Variants in MRPL42 observed in about 807,000 individuals in gnomAD.
The protein encoded by MRPL42 is large ribosomal subunit protein mL42.
In MRPL42, 17 loss-of-function variants were observed where a neutral mutation model predicts 17.9. That is an observed-to-expected ratio of 0.95 (90% CI 0.65 to 1.42). MRPL42 has a LOEUF of 1.42. MRPL42 is among the 40% of genes most tolerant of loss of function. The probability of loss-of-function intolerance (pLI) is 0.00; values close to 1 mark genes in which losing one functional copy is unlikely to be tolerated. For missense variants in MRPL42, 177 were observed against 175.2 expected, an observed-to-expected ratio of 1.01 and a Z score of -0.06; for synonymous variants, 59 against 54.4, an observed-to-expected ratio of 1.08 and a Z score of -0.37.
chr12:93,485,421 AT>A (rs1880696968), intron 4 of MRPL42, among the ~76,000 whole-genome samples: 1 of 151,552 alleles, frequency 6.6e-6, no homozygotes, highest in Non-Finnish European at 1.5e-5. Context: ...GGATTAACAC[AT>A]GTGAGCCACC....
intron 2 of MRPL42, among the ~76,000 whole-genome samples, chr12:93,473,993 A>T (rs1880035657): frequency 6.6e-6 from 1 of 151,324 alleles, no homozygotes; most frequent in African/African-American, 2.4e-5. Context: ...GCCTTAAGGA[A>T]CTTATTTAGA....
intron 4 of MRPL42, among the ~76,000 whole-genome samples, chr12:93,485,399 C>T (rs1880695634): frequency 6.6e-6 from 1 of 151,594 alleles, no homozygotes; most frequent in African/African-American, 2.4e-5. Flanking sequence ...GTCTCAGTCT[C>T]CCAAAGTGCT....
In MRPL42 at chr12:93,513,040, G is replaced by A. The variant is rs1352820917; in HGVS notation, c.*11819G>A. 2.6e-5 allele frequency: 4 copies of A among 151,706 alleles called. No homozygotes were observed. The highest frequency in any genetic ancestry group is 5.9e-5 in the Non-Finnish European group (4 of 67,942). 9.4% of individuals were successfully genotyped at this position (151,706 alleles called of 1,614,324 possible). A position where few individuals can be genotyped will look rare whatever the true frequency, so the allele number is the denominator to read the frequency against. On this transcript the variant is annotated 3_prime_UTR_variant, in exon 6 of 6. Transcript: ENST00000549982. The stretch of plus-strand genomic sequence containing the variant: ...CCGACCATTATCCCTTTGTAAATCT[G>A]GTTTCATCTTATGAATAATATTTTT...
intron 5 of MRPL42, among the ~76,000 whole-genome samples, chr12:93,494,929 A>T (rs571321222): frequency 1.2e-5 from 1 of 81,456 alleles, no homozygotes; most frequent in South Asian, 3.3e-4. Context: ...ACCATCAGGA[A>T]CTCTAGAGAT....
rs1320996107 is a variant in MRPL42, at chr12:93,508,276, G to A, written c.*7055G>A. The A allele has an allele frequency of 7.7e-6, 1 of 130,578 alleles. No individual in the cohort carries two copies. The highest frequency in any genetic ancestry group is 2.1e-4 in the East Asian group (1 of 4,728). The allele number at this position is 130,578 out of a possible 1,614,324, so 8.1% of individuals were successfully genotyped here. A position where few individuals can be genotyped will look rare whatever the true frequency, so the allele number is the denominator to read the frequency against. ...AAAAAAATTTTAAAAAATTAGCTGG[G>A]GGTGGGGAGGGTGGGGTGGTGCTGC... is the stretch of plus-strand genomic sequence containing the variant. On this transcript the variant is annotated 3_prime_UTR_variant, in exon 6 of 6. Transcript: ENST00000549982.
At position 93,513,479 on chromosome 12, in the gene MRPL42, G is replaced by C. The variant is rs1271255954; in HGVS notation, c.*12258G>C. On this transcript the variant is annotated 3_prime_UTR_variant, in exon 6 of 6. Coordinates refer to ENST00000549982, the MANE Select transcript of MRPL42 (RefSeq NM_014050.4). ...TGAGATGACAGGTGTGAGCCACCTTGCTTGACCTAAAAACTTTTGAATATT... is the reference window on the plus strand; with the variant it reads ...TGAGATGACAGGTGTGAGCCACCTTCCTTGACCTAAAAACTTTTGAATATT... 1 of 151,988 alleles carries C rather than the reference G, an allele frequency of 6.6e-6. No individual in the cohort carries two copies. Among genetic ancestry groups the C allele is most frequent in the Admixed American group, 6.5e-5 (1 of 15,270 alleles). 9.4% of individuals were successfully genotyped at this position (151,988 alleles called of 1,614,324 possible).
Position 93,515,608 on chromosome 12 carries a change from A to AT in MRPL42, c.*14389dup, listed in dbSNP as rs1953772657. ...GGTCTCGAGCTCCTGACCTCAAGTG[A>AT]TTCGCCCGCGTCGGCCTCCCAAAGG... On this transcript the variant is annotated 3_prime_UTR_variant, in exon 6 of 6. Transcript: ENST00000549982. The AT allele has an allele frequency of 1.3e-5, 2 of 152,144 alleles. No homozygotes were observed. The highest frequency in any genetic ancestry group is 4.8e-5 in the African/African-American group (2 of 41,406). 9.4% of individuals were successfully genotyped at this position (152,144 alleles called of 1,614,324 possible). A position where few individuals can be genotyped will look rare whatever the true frequency, so the allele number is the denominator to read the frequency against.
chr12:93,471,455 C>T (rs2035051), intron 2 of MRPL42, among the ~76,000 whole-genome samples: 78,371 of 151,790 alleles, frequency 0.52, 20,299 homozygotes, highest in Non-Finnish European at 0.53. Context: ...TGAGCCATTG[C>T]GCCTGGCCTA....
intron 2 of MRPL42, among the ~76,000 whole-genome samples, chr12:93,472,061 G>T (rs1050370931): frequency 7.9e-5 from 12 of 152,104 alleles, no homozygotes; most frequent in African/African-American, 2.9e-4. Flanking sequence ...CACTAAGTTT[G>T]TACTGGATCT....
At chr12:93,488,914 C>T (rs1196323177) in intron 5 of MRPL42, among the ~76,000 whole-genome samples, 1 of 150,088 alleles carries the variant, frequency 6.7e-6, no homozygotes, top group Non-Finnish European at 1.5e-5. Flanking sequence ...TGATCTTGAA[C>T]TCGTGGGCTC....
chr12:93,494,453 A>T (rs560676407), intron 5 of MRPL42, among the ~76,000 whole-genome samples: 2 of 152,350 alleles, frequency 1.3e-5, no homozygotes, highest in Non-Finnish European at 1.5e-5. Flanking sequence ...TATGAGACAG[A>T]GAGAGGAGTC....
chr12:93,494,663 A>G (rs912322618), intron 5 of MRPL42, among the ~76,000 whole-genome samples: 1 of 152,092 alleles, frequency 6.6e-6, no homozygotes, highest in African/African-American at 2.4e-5. Context: ...ACAGGTCTTG[A>G]CCACAGATGG....
At position 93,479,154 on chromosome 12, in the gene MRPL42, C is replaced by T. The variant is rs1317977147; in HGVS notation, c.135-234C>T. Among the ~76,000 whole-genome samples, 6 of 151,148 alleles carry T rather than the reference C, an allele frequency of 4.0e-5. No homozygotes were observed. In the South Asian group the frequency reaches 6.3e-4, roughly 16 times the overall value. On this transcript the variant is annotated intron_variant, in intron 3 of 5. Coordinates refer to ENST00000549982, the MANE Select transcript of MRPL42 (RefSeq NM_014050.4). ...GCCAGGCTGGTCTTGAACTCCTGACCTCAAGCAATCTGCCCACCTTGGCCT... is the reference window on the plus strand; with the variant it reads ...GCCAGGCTGGTCTTGAACTCCTGACTTCAAGCAATCTGCCCACCTTGGCCT...
At chr12:93,495,543 T>G (rs948257408) in intron 5 of MRPL42, among the ~76,000 whole-genome samples, 5 of 152,142 alleles carry the variant, frequency 3.3e-5, no homozygotes, top group Admixed American at 6.6e-5. Context: ...CATTTAATAG[T>G]AAACACTTCA....
chr12:93,488,618 T>A (rs1953356348), intron 5 of MRPL42: 1 of 252,314 alleles, frequency 4.0e-6, no homozygotes, highest in Non-Finnish European at 7.4e-6. Context: ...TATTTTGAGT[T>A]ATCGAAAAAA....
rs1953644690 is a variant in MRPL42 at position 93,504,470 on chromosome 12, TA to T, written c.*3250del. The T allele has an allele frequency of 6.5e-6, 1 of 152,692 alleles. No homozygotes were observed. The highest frequency in any genetic ancestry group is 2.1e-4 in the South Asian group (1 of 4,852). 9.5% of individuals were successfully genotyped at this position (152,692 alleles called of 1,614,324 possible). On this transcript the variant is annotated 3_prime_UTR_variant, in exon 6 of 6. Coordinates refer to ENST00000549982, the MANE Select transcript of MRPL42 (RefSeq NM_014050.4). ...AAACTGCATACTCCTAACATCAGTATATAGAAATATTTTCTCTTTAGTTCTA... is the reference window on the plus strand; with the variant it reads ...AAACTGCATACTCCTAACATCAGTATTAGAAATATTTTCTCTTTAGTTCTA...
At position 93,504,507 on chromosome 12, in the gene MRPL42, A is replaced by T. The variant is rs926821784; in HGVS notation, c.*3286A>T. The T allele has an allele frequency of 2.0e-5, 3 of 152,324 alleles. No homozygotes were observed. The highest frequency in any genetic ancestry group is 4.8e-5 in the African/African-American group (2 of 41,468). The allele number at this position is 152,324 out of a possible 1,614,324, so 9.4% of individuals were successfully genotyped here. On this transcript the variant is annotated 3_prime_UTR_variant, in exon 6 of 6. Coordinates refer to ENST00000549982, the MANE Select transcript of MRPL42 (RefSeq NM_014050.4). Reference sequence around the variant, plus strand: ...TTCTCTTTAGTTCTATTAAAATTTTAAAAAATCTTTATCAATTTAGTAGGC... The same window carrying T: ...TTCTCTTTAGTTCTATTAAAATTTTTAAAAATCTTTATCAATTTAGTAGGC...
At chr12:93,486,208 G>A (rs945398077) in intron 4 of MRPL42, among the ~76,000 whole-genome samples, 6 of 152,102 alleles carry the variant, frequency 3.9e-5, no homozygotes, top group Non-Finnish European at 5.9e-5. Flanking sequence ...GTGTTGAGGA[G>A]ATAAGATTTT....
chr12:93,487,421 G>T, intron 4 of MRPL42, 76 bp from the exon 5 acceptor site: 2 of 1,367,640 alleles, frequency 1.5e-6, no homozygotes, highest in Non-Finnish European at 2.0e-6. Flanking sequence ...TATGGTAATT[G>T]TTTTATTGTG....
Sources: gnomAD v4.1 joint callset for allele counts (sites outside exome capture counted in the v4.1 genomes callset) on GRCh38, gnomAD v4.1.1 for gene constraint, MANE v1.5 for transcripts, NCBI Gene and HGNC (gene_info 2026-07-23, HGNC 2026-07-21) for gene names.